Variants in PPP2R5A observed in about 807,000 individuals in gnomAD.
PPP2R5A encodes protein phosphatase 2 regulatory subunit B'alpha.
A neutral mutation model predicts 64.2 loss-of-function variants in PPP2R5A; 25 were observed. That is an observed-to-expected ratio of 0.39 (90% CI 0.28 to 0.54). The LOEUF (loss-of-function observed/expected upper bound fraction) is 0.54. PPP2R5A is among the 20% of genes least tolerant of loss of function. The probability of loss-of-function intolerance (pLI) is 0.67; values close to 1 mark genes in which losing one functional copy is unlikely to be tolerated. For synonymous variants in PPP2R5A, 198 were observed against 201.2 expected, an observed-to-expected ratio of 0.98 and a Z score of 0.13; for missense variants, 425 against 576.3, an observed-to-expected ratio of 0.74 and a Z score of 2.69.
intron 3 of PPP2R5A, among the ~76,000 whole-genome samples, chr1:212,338,165 C>G (rs1659622260): frequency 6.6e-6 from 1 of 152,076 alleles, no homozygotes; most frequent in Non-Finnish European, 1.5e-5. Flanking sequence ...GGAACTTCTC[C>G]CAAGTCTTTT....
At chr1:212,291,712 C>T (rs181374138) in intron 1 of PPP2R5A, among the ~76,000 whole-genome samples, 7 of 152,330 alleles carry the variant, frequency 4.6e-5, no homozygotes, top group African/African-American at 1.4e-4. Flanking sequence ...AGCTTATTAG[C>T]TGCTTTCCTG....
At position 212,341,068 on chromosome 1, in the gene PPP2R5A, T is replaced by C. The variant is rs183535852; in HGVS notation, c.481-1120T>C. ...ATAGCTAATAAGATACATTTTGGGC[T>C]AAGTTTCTGCTTTTTATACCTATTA... On this transcript the variant is annotated intron_variant, in intron 3 of 12. Coordinates refer to ENST00000261461, the MANE Select transcript of PPP2R5A (RefSeq NM_006243.4). Among the ~76,000 whole-genome samples, 110 of 152,316 alleles carry C rather than the reference T, an allele frequency of 7.2e-4. 1 individual carries two copies. The highest frequency in any genetic ancestry group is 2.5e-3 in the African/African-American group (106 of 41,582).
intron 11 of PPP2R5A, 159 bp downstream of exon 11, chr1:212,357,443 C>T (rs976657337): frequency 1.2e-5 from 7 of 584,722 alleles, no homozygotes; most frequent in Admixed American, 4.0e-5. Context: ...ATACGTATAC[C>T]TTTATCAAGT....
chr1:212,343,533 C>T (rs12736502), intron 4 of PPP2R5A, among the ~76,000 whole-genome samples: 26,575 of 152,128 alleles, frequency 0.17, 2,640 homozygotes, highest in Middle Eastern at 0.3. Flanking sequence ...TGACCTGTTG[C>T]TGTGAAGGAT....
At chr1:212,343,895 G>A (rs565414281) in intron 4 of PPP2R5A, among the ~76,000 whole-genome samples, 1 of 152,300 alleles carries the variant, frequency 6.6e-6, no homozygotes, top group Admixed American at 6.5e-5. Flanking sequence ...GGAGCAAAAA[G>A]AAAACTGGTG....
intron 11 of PPP2R5A, 25 bp downstream of exon 11, chr1:212,357,309 A>AT (rs760026782): frequency 1.4e-5 from 21 of 1,450,388 alleles, no homozygotes; most frequent in South Asian, 4.3e-5. Flanking sequence ...TATAGGTCGT[A>AT]TTTTTTTCTT....
chr1:212,305,538 T>C (rs1658883330), intron 1 of PPP2R5A, among the ~76,000 whole-genome samples: 1 of 152,086 alleles, frequency 6.6e-6, no homozygotes, highest in Non-Finnish European at 1.5e-5. Flanking sequence ...AATTCTGTAG[T>C]GTTCCATAGA....
rs895984072 is a variant in PPP2R5A, at chr1:212,360,722, T to C, written c.1413T>C (p.Asn471=). The C allele has an allele frequency of 1.3e-5, 21 of 1,601,200 alleles. No homozygotes were observed. The highest frequency in any genetic ancestry group is 2.7e-5 in the African/African-American group (2 of 74,038). The change falls in exon 13 of 13, where the codon AAT becomes AAC. Residue 471 remains asparagine, a synonymous_variant. Coordinates refer to ENST00000261461, the MANE Select transcript of PPP2R5A (RefSeq NM_006243.4). ...LKLKKALEKQ[N]SAYNMHSILS... ...TAAAGAAAGCTCTAGAAAAACAGAA[T>C]AGTGCTTACAACATGCACAGTATTC...
intron 5 of PPP2R5A, among the ~76,000 whole-genome samples, chr1:212,346,873 GC>G (rs34841507): frequency 0.014 from 2,170 of 152,122 alleles, 49 homozygotes; most frequent in African/African-American, 0.048. Flanking sequence ...TCAAATATCT[GC>G]CCTATTATAT....
intron 1 of PPP2R5A, chr1:212,301,950 T>A (rs1185484667): frequency 7.4e-7 from 1 of 1,343,784 alleles, no homozygotes; most frequent in Non-Finnish European, 9.7e-7. Context: ...TTAGAAATGA[T>A]TCCTGCTACT....
rs750465548 is a variant in PPP2R5A, at chr1:212,339,533, C to T, written c.481-2655C>T. ...CATCTCTTTAGTGGTGCTAAGTTGG[C>T]GGCATAACAGCATTTTGCTGCTAAT... On this transcript the variant is annotated intron_variant, in intron 3 of 12. Transcript: ENST00000261461. 1.4e-4 allele frequency among the ~76,000 whole-genome samples: 21 copies of T among 152,030 alleles called. 1 individual carries two copies. In the East Asian group the frequency reaches 1.9e-3, roughly 14 times the overall value.
chr1:212,355,318 CA>C (rs1182451780), intron 8 of PPP2R5A, among the ~76,000 whole-genome samples: 1 of 151,938 alleles, frequency 6.6e-6, no homozygotes, highest in Admixed American at 6.6e-5. Context: ...TATAAATATA[CA>C]GTTACACAAA....
In PPP2R5A at chr1:212,327,299, A is replaced by G. The variant is rs186568065; in HGVS notation, c.182-1836A>G. Among the ~76,000 whole-genome samples, 236 of 152,380 alleles carry G rather than the reference A, an allele frequency of 1.5e-3. 2 individuals carry two copies. In the South Asian group the frequency reaches 0.025, roughly 16 times the overall value. On this transcript the variant is annotated intron_variant, in intron 1 of 12. Transcript: ENST00000261461. ...AATTGAATTCCTTGTTTATAGAATG[A>G]AAGTTCGGAAGTGAAGTTTTATGGT...
At chr1:212,286,584 G>T (rs1337927849) in intron 1 of PPP2R5A, among the ~76,000 whole-genome samples, 2 of 152,110 alleles carry the variant, frequency 1.3e-5, no homozygotes, top group African/African-American at 4.8e-5. Context: ...TTCCTATCTT[G>T]CGTCCCGTGA....
intron 8 of PPP2R5A, 124 bp downstream of exon 8, chr1:212,349,366 G>T (rs1659837226): frequency 2.5e-5 from 16 of 648,128 alleles, no homozygotes; most frequent in Non-Finnish European, 3.7e-5. Flanking sequence ...TCATTTAGAA[G>T]AAGAAATGTG....
chr1:212,310,147 GATTGCTC>G (rs1659001020), intron 1 of PPP2R5A, among the ~76,000 whole-genome samples: 1 of 152,170 alleles, frequency 6.6e-6, no homozygotes, highest in Non-Finnish European at 1.5e-5. Context: ...ATTTTCAGCT[GATTGCTC>G]AATTGTTTTC....
Position 212,342,173 on chromosome 1 carries a change from G to T in PPP2R5A, c.481-15G>T, listed in dbSNP as rs1461050328. On this transcript the variant is annotated splice_polypyrimidine_tract_variant and intron_variant, in intron 3 of 12. Coordinates refer to ENST00000261461, the MANE Select transcript of PPP2R5A (RefSeq NM_006243.4). ...GTAGCCATCATCTTAGCCTTTATTT[G>T]ACTTTCTCTCATAGTTGGTATATGA... 3.1e-6 allele frequency: 5 copies of T among 1,610,584 alleles called. No individual in the cohort carries two copies. The highest frequency in any genetic ancestry group is 1.1e-5 in the South Asian group (1 of 90,416).
chr1:212,357,019 G>C lies in PPP2R5A; in HGVS notation c.1048G>C (p.Glu350Gln), dbSNP rs1384604197. ...IEPTQFKKIE[E>Q]PLFKQISKCV... The stretch of plus-strand genomic sequence containing the variant: ...ACCAACACAGTTCAAAAAAATTGAA[G>C]AGCCACTTTTCAAGCAGATATCCAA... The change falls in exon 10 of 13, where the codon GAG (glutamate) becomes CAG (glutamine). Residue 350 changes from glutamate to glutamine, a missense_variant. This residue lies in a region of PPP2R5A where 177 missense variants were observed against 244.8 expected (regional missense o/e 0.72). Transcript: ENST00000261461. The C allele has an allele frequency of 1.2e-6, 2 of 1,611,724 alleles. No homozygotes were observed. The highest frequency in any genetic ancestry group is 1.7e-6 in the Non-Finnish European group (2 of 1,179,026).
chr1:212,355,295 G>A (rs1659959398), intron 8 of PPP2R5A, among the ~76,000 whole-genome samples: 1 of 151,462 alleles, frequency 6.6e-6, no homozygotes, highest in African/African-American at 2.4e-5. Context: ...TTTTTTTTAA[G>A]TTTTAAGGGA....
Sources: gnomAD v4.1 joint callset for allele counts (sites outside exome capture counted in the v4.1 genomes callset) on GRCh38, gnomAD v4.1.1 for gene constraint, gnomAD v4.1.1 regional missense constraint, MANE v1.5 for transcripts, NCBI Gene and HGNC (gene_info 2026-07-23, HGNC 2026-07-21) for gene names.